Variants in EYS observed in about 807,000 individuals in gnomAD.
The protein encoded by EYS is EGF-like photoreceptor maintenance factor.
Under a neutral mutation model 282.1 loss-of-function variants are expected in EYS, and 250 were observed. That is an observed-to-expected ratio of 0.89 (90% confidence interval 0.80 to 0.98). The LOEUF (loss-of-function observed/expected upper bound fraction) is 0.98, where lower values mean the gene tolerates loss of function less well. EYS is among the 50% of genes least tolerant of loss of function. The pLI is 0.00. For missense variants in EYS, 4,016 were observed against 3,709.0 expected, an observed-to-expected ratio of 1.08 and a Z score of -2.15; for synonymous variants, 1,355 against 1,282.9, an observed-to-expected ratio of 1.06 and a Z score of -1.20.
At chr6:65,371,488 T>A (rs1765136898) in intron 8 of EYS, among the ~76,000 whole-genome samples, 1 of 151,696 alleles carries the variant, frequency 6.6e-6, no homozygotes, top group Non-Finnish European at 1.5e-5. Flanking sequence ...AACTGATGAA[T>A]AATAAATGTG....
chr6:63,926,326 CT>C, intron 35 of EYS, among the ~76,000 whole-genome samples: 1 of 152,296 alleles, frequency 6.6e-6, no homozygotes, highest in South Asian at 2.1e-4. Context: ...GCTTTTTCTT[CT>C]TAGCTATAAT....
intron 2 of EYS, among the ~76,000 whole-genome samples, chr6:65,627,864 C>T (rs556937547): frequency 8.7e-4 from 132 of 152,326 alleles, no homozygotes; most frequent in Non-Finnish European, 1.5e-3. Flanking sequence ...GCCTCCCCAG[C>T]GAGCACCACC....
chr6:65,065,548 AT>A lies in EYS; in HGVS notation c.2024-7822del, dbSNP rs35091508. On this transcript the variant is annotated intron_variant, in intron 12 of 42. Transcript: ENST00000503581. ...CAGGTGCCCACCACCACGCCTGGCT[AT>A]TTTTTTTTTTAATTTCTAGTAGAGA... Among the ~76,000 whole-genome samples, 468 of 145,744 alleles carry A rather than the reference AT, an allele frequency of 3.2e-3. 1 individual carries two copies. Among genetic ancestry groups the A allele is most frequent in the African/African-American group, 9.6e-3 (379 of 39,656 alleles).
rs59755848 is a variant in EYS, at chr6:63,984,352, G to A, written c.7055+31C>T. On this transcript the variant is annotated intron_variant, in intron 35 of 42. Coordinates refer to ENST00000503581, the MANE Select transcript of EYS (RefSeq NM_001142800.2). ...TTTTAAGAATTTGGAGTCATGTAAC[G>A]TAGGTTGGGAATCAGGAGACTAATA... The A allele has an allele frequency of 6.5e-3, 9,279 of 1,420,528 alleles. 463 individuals are homozygous for A. The African/African-American group carries it at 0.11, about 17-fold the overall frequency. 88.0% of individuals were successfully genotyped at this position (1,420,528 alleles called of 1,614,324 possible). A position where few individuals can be genotyped will look rare whatever the true frequency, so the allele number is the denominator to read the frequency against.
At chr6:64,759,701 A>G (rs953739943) in intron 22 of EYS, among the ~76,000 whole-genome samples, 1 of 152,210 alleles carries the variant, frequency 6.6e-6, no homozygotes, top group Non-Finnish European at 1.5e-5. Context: ...TAATCCACAA[A>G]TGATTGCAGG....
intron 2 of EYS, among the ~76,000 whole-genome samples, chr6:65,532,019 G>A (rs1284119347): frequency 1.3e-5 from 2 of 151,780 alleles, no homozygotes; most frequent in Admixed American, 6.6e-5. Context: ...ATTATACTAG[G>A]CACTTATTAA....
intron 35 of EYS, among the ~76,000 whole-genome samples, chr6:63,953,360 C>T (rs1765679743): frequency 6.6e-6 from 1 of 152,148 alleles, no homozygotes; most frequent in South Asian, 2.1e-4. Flanking sequence ...TTTATAGCCC[C>T]TCCTACAAAT....
intron 12 of EYS, among the ~76,000 whole-genome samples, chr6:65,294,859 A>G (rs1768619575): frequency 6.6e-6 from 1 of 151,912 alleles, no homozygotes; most frequent in African/African-American, 2.4e-5. Context: ...TTTTACTTAG[A>G]ATATGTTTGA....
intron 30 of EYS, among the ~76,000 whole-genome samples, chr6:64,290,654 G>T (rs959983008): frequency 6.6e-6 from 1 of 151,742 alleles, no homozygotes; most frequent in African/African-American, 2.4e-5. Context: ...CTTGGTGGGG[G>T]GCTTAGAGTC....
chr6:65,076,638 C>A (rs1774059963), intron 12 of EYS, among the ~76,000 whole-genome samples: 1 of 151,572 alleles, frequency 6.6e-6, no homozygotes, highest in South Asian at 2.1e-4. Context: ...CCTCAGAGTG[C>A]ATTGATAAGC....
intron 28 of EYS, among the ~76,000 whole-genome samples, chr6:64,420,454 A>T (rs1774194201): frequency 6.6e-6 from 1 of 151,854 alleles, no homozygotes; most frequent in Admixed American, 6.6e-5. Context: ...TTTCTGTAGC[A>T]GGCTTGAATT....
At chr6:65,654,833 G>C (rs933340593) in intron 1 of EYS, among the ~76,000 whole-genome samples, 48 of 151,548 alleles carry the variant, frequency 3.2e-4, no homozygotes, top group Non-Finnish European at 1.3e-4. Flanking sequence ...AGTGGTACCA[G>C]AGACCAGCTC....
rs576196766 is a variant in EYS at position 64,961,125 on chromosome 6, T to G, written c.2260-15211A>C. The stretch of plus-strand genomic sequence containing the variant: ...ACCAGAGTGAATATATGTGTGCATG[T>G]GCCTTTATAATAGAACAATTGATAT... On this transcript the variant is annotated intron_variant, in intron 14 of 42. Transcript: ENST00000503581. 5.8e-4 allele frequency among the ~76,000 whole-genome samples: 89 copies of G among 152,324 alleles called. 2 individuals carry two copies. The South Asian group carries it at 8.5e-3, about 15-fold the overall frequency.
intron 2 of EYS, among the ~76,000 whole-genome samples, chr6:65,553,888 A>C (rs991179392): frequency 6.6e-6 from 1 of 152,154 alleles, no homozygotes; most frequent in African/African-American, 2.4e-5. Flanking sequence ...TATTTAAAAA[A>C]TATGTCAATG....
chr6:64,178,851 A>G (rs1764707859), intron 31 of EYS, among the ~76,000 whole-genome samples: 1 of 152,002 alleles, frequency 6.6e-6, no homozygotes, highest in South Asian at 2.1e-4. Flanking sequence ...TTACCAGGAG[A>G]CCTAAATTTA....
intron 1 of EYS, among the ~76,000 whole-genome samples, chr6:65,656,418 A>G (rs1767830755): frequency 6.6e-6 from 1 of 151,984 alleles, no homozygotes; most frequent in East Asian, 1.9e-4. Flanking sequence ...TTCGTGAGGG[A>G]AAGTGCTATT....
intron 22 of EYS, among the ~76,000 whole-genome samples, chr6:64,646,666 C>T (rs1383133421): frequency 6.6e-6 from 1 of 151,806 alleles, no homozygotes; most frequent in African/African-American, 2.4e-5. Flanking sequence ...ATTAGCCGGG[C>T]GTGGTGGCGG....
chr6:65,208,108 T>C (rs1766082415), intron 12 of EYS, among the ~76,000 whole-genome samples: 1 of 151,304 alleles, frequency 6.6e-6, no homozygotes, highest in African/African-American at 2.4e-5. Context: ...TTGCAAATTA[T>C]GTCAAACCAA....
chr6:63,827,643 G>A (rs1028781222), intron 36 of EYS, among the ~76,000 whole-genome samples: 1 of 152,036 alleles, frequency 6.6e-6, no homozygotes, highest in African/African-American at 2.4e-5. Context: ...AGGAGATCTA[G>A]ACCATCCTGG....
Sources: gnomAD v4.1 joint callset for allele counts (sites outside exome capture counted in the v4.1 genomes callset) on GRCh38, gnomAD v4.1.1 for gene constraint, MANE v1.5 for transcripts, NCBI Gene and HGNC (gene_info 2026-07-23, HGNC 2026-07-21) for gene names.